The following CRMP1 variants were observed in gnomAD, a reference collection of about 807,000 sequenced individuals.
CRMP1 encodes dihydropyrimidinase-related protein 1.
Under a neutral mutation model 68.3 loss-of-function variants are expected in CRMP1, and 19 were observed. The observed-to-expected ratio is 0.28, with a 90% CI of 0.19 to 0.41. The LOEUF (loss-of-function observed/expected upper bound fraction) is 0.41. Among genes scored for constraint, CRMP1 ranks in the 10% least tolerant of loss-of-function variants. CRMP1 has a pLI of 1.00. For missense variants in CRMP1, 791 were observed against 967.4 expected (o/e 0.82, Z 2.42); for synonymous variants, 439 against 399.6 (o/e 1.10, Z -1.18).
rs1167874608 is a variant in CRMP1 at position 5,838,353 on chromosome 4, G to C, written c.1310+1169C>G. On this transcript the variant is annotated intron_variant, in intron 9 of 13. Coordinates refer to ENST00000324989, the MANE Select transcript of CRMP1 (RefSeq NM_001014809.3). The surrounding 1 kb of genome is among the most constrained non-coding windows in gnomAD (Gnocchi z 4.9). ...CCTTGTTGGATGTTGCAGGGACTTG[G>C]GTTTCACTGGCAGAGGACTTACTGG... 5.9e-5 allele frequency among the ~76,000 whole-genome samples: 9 copies of C among 152,086 alleles called. No homozygotes were observed. The highest frequency in any genetic ancestry group is 1.2e-4 in the Non-Finnish European group (8 of 68,028).
chr4:5,867,907 A>AACACAC (rs141328248), intron 1 of CRMP1, among the ~76,000 whole-genome samples: 12 of 150,002 alleles, frequency 8.0e-5, no homozygotes, highest in African/African-American at 2.7e-4. Flanking sequence ...TGGATAGATA[A>AACACAC]ACACACACAC....
intron 5 of CRMP1, 71 bp downstream of exon 5, chr4:5,851,337 C>T: frequency 1.5e-6 from 2 of 1,377,874 alleles, no homozygotes; most frequent in Non-Finnish European, 2.1e-6. Context: ...TTGCCCTGTG[C>T]TGCCTGGACT....
At chr4:5,871,524 G>A (rs1714448798) in intron 1 of CRMP1, among the ~76,000 whole-genome samples, 1 of 152,100 alleles carries the variant, frequency 6.6e-6, no homozygotes, top group African/African-American at 2.4e-5. Context: ...GCCGGGCGTG[G>A]TGGCGCACGC....
intron 2 of CRMP1, among the ~76,000 whole-genome samples, chr4:5,863,617 C>G (rs1340483530): frequency 2.0e-5 from 3 of 152,088 alleles, no homozygotes; most frequent in Non-Finnish European, 4.4e-5. Context: ...ACGCCCCTCC[C>G]CCAACACCAT....
intron 1 of CRMP1, among the ~76,000 whole-genome samples, chr4:5,873,116 G>C (rs1445855753): frequency 6.6e-6 from 1 of 152,188 alleles, no homozygotes; most frequent in Non-Finnish European, 1.5e-5. Context: ...CTTAAATGCA[G>C]CTTGTGCCCT....
chr4:5,840,974 G>A (rs1711677718), intron 8 of CRMP1, among the ~76,000 whole-genome samples: 2 of 126,290 alleles, frequency 1.6e-5, no homozygotes, highest in South Asian at 4.4e-4. Flanking sequence ...GTACATGTAA[G>A]ATACTGAATT....
At chr4:5,887,282 C>T in intron 1 of CRMP1, 3 of 911,930 alleles carry the variant, frequency 3.3e-6, no homozygotes, top group Non-Finnish European at 3.9e-6. Flanking sequence ...CTGAATTTTG[C>T]ATAAATGAGC....
At chr4:5,846,338 A>G (rs1252975644) in intron 6 of CRMP1, among the ~76,000 whole-genome samples, 1 of 152,110 alleles carries the variant, frequency 6.6e-6, no homozygotes, top group Non-Finnish European at 1.5e-5. Context: ...CATTTCAAAG[A>G]GATGAAGGCT....
At position 5,842,428 on chromosome 4, in the gene CRMP1, C is replaced by CAAAAAAAAAAAAAAAAA. The variant is rs71171489; in HGVS notation, c.1032+648_1032+664dup. Among the ~76,000 whole-genome samples the CAAAAAAAAAAAAAAAAA allele has an allele frequency of 1.0e-5, 1 of 99,094 alleles. No individual in the cohort carries two copies. The highest frequency in any genetic ancestry group is 3.6e-5 in the African/African-American group (1 of 27,942). 65.0% of individuals were successfully genotyped at this position (99,094 alleles called of 152,430 possible). On this transcript the variant is annotated intron_variant, in intron 7 of 13. Coordinates refer to ENST00000324989, the MANE Select transcript of CRMP1 (RefSeq NM_001014809.3). This position sits in a 1 kb window ranked among gnomAD's most constrained non-coding sequence, Gnocchi z 4.5. ...TGGGCAACAGAGAGAGACTCCATCT[C>CAAAAAAAAAAAAAAAAA]AAAAAAAAAAAAAAAAAAAGAAAAG... is the stretch of plus-strand genomic sequence containing the variant.
Position 5,889,556 on chromosome 4 carries a change from G to A in CRMP1, c.381+3033C>T. 6.5e-7 allele frequency: 1 copy of A among 1,534,654 alleles called. No homozygotes were observed. The highest frequency in any genetic ancestry group is 8.7e-7 in the Non-Finnish European group (1 of 1,145,606). On this transcript the variant is annotated intron_variant, in intron 1 of 13. Coordinates refer to ENST00000324989, the MANE Select transcript of CRMP1 (RefSeq NM_001014809.3). The surrounding 1 kb of genome is among the most constrained non-coding windows in gnomAD (Gnocchi z 4.5). ...AGATGAAAGAAGATGGAGGAAAAGGGGGAGCCCCAGCAAGCCCCAACCTCA... is the reference window on the plus strand; with the variant it reads ...AGATGAAAGAAGATGGAGGAAAAGGAGGAGCCCCAGCAAGCCCCAACCTCA...
intron 6 of CRMP1, 106 bp downstream of exon 6, chr4:5,849,286 A>C (rs1712447857): frequency 1.1e-6 from 1 of 892,152 alleles, no homozygotes; most frequent in Non-Finnish European, 1.8e-6. Flanking sequence ...TCCTGGCTTG[A>C]CCTTTCATTG....
At chr4:5,839,702 T>A (rs781004489) in intron 8 of CRMP1, 24 bp from the exon 9 acceptor site, 5 of 1,252,922 alleles carry the variant, frequency 4.0e-6, no homozygotes, top group South Asian at 1.4e-5. Flanking sequence ...AACATAAGCC[T>A]GGTTAAAAGC....
intron 4 of CRMP1, among the ~76,000 whole-genome samples, chr4:5,852,744 G>T (rs1359147004): frequency 6.6e-6 from 1 of 152,188 alleles, no homozygotes; most frequent in Non-Finnish European, 1.5e-5. Flanking sequence ...GGGTGTGGGA[G>T]TATCAGCAAG....
Position 5,842,428 on chromosome 4 carries a change from C to CAAAAA in CRMP1, c.1032+660_1032+664dup, listed in dbSNP as rs71171489. Among the ~76,000 whole-genome samples the CAAAAA allele has an allele frequency of 9.1e-5, 9 of 98,850 alleles. No homozygotes were observed. The highest frequency in any genetic ancestry group is 4.0e-4 in the South Asian group (1 of 2,526). 64.8% of individuals were successfully genotyped at this position (98,850 alleles called of 152,430 possible). A position where few individuals can be genotyped will look rare whatever the true frequency, so the allele number is the denominator to read the frequency against. ...TGGGCAACAGAGAGAGACTCCATCTCAAAAAAAAAAAAAAAAAAAGAAAAG... is the reference window on the plus strand; with the variant it reads ...TGGGCAACAGAGAGAGACTCCATCTCAAAAAAAAAAAAAAAAAAAAAAAAGAAAAG... On this transcript the variant is annotated intron_variant, in intron 7 of 13. Coordinates refer to ENST00000324989, the MANE Select transcript of CRMP1 (RefSeq NM_001014809.3). The surrounding 1 kb of genome is among the most constrained non-coding windows in gnomAD (Gnocchi z 4.5).
In CRMP1 at chr4:5,854,752, T is replaced by A. The variant is rs1712926167; in HGVS notation, c.820+1391A>T. 6.6e-6 allele frequency among the ~76,000 whole-genome samples: 1 copy of A among 152,168 alleles called. No homozygotes were observed. Among genetic ancestry groups the A allele is most frequent in the African/African-American group, 2.4e-5 (1 of 41,454 alleles). On this transcript the variant is annotated intron_variant, in intron 4 of 13. Coordinates refer to ENST00000324989, the MANE Select transcript of CRMP1 (RefSeq NM_001014809.3). This position sits in a 1 kb window ranked among gnomAD's most constrained non-coding sequence, Gnocchi z 4.0. ...TCATAGAAGCAATAATGCCCAATGG[T>A]GCAAAGGTGCAGGGACTAGAGATTC...
intron 12 of CRMP1, 58 bp downstream of exon 12, chr4:5,828,431 A>G: frequency 1.3e-6 from 2 of 1,583,210 alleles, no homozygotes; most frequent in East Asian, 2.3e-5. Context: ...CGATTCCCCA[A>G]GAGACGCTGT....
Position 5,883,294 on chromosome 4 carries a change from T to C in CRMP1, c.381+9295A>G, listed in dbSNP as rs1715339234. Among the ~76,000 whole-genome samples the C allele has an allele frequency of 6.6e-6, 1 of 150,744 alleles. No individual in the cohort carries two copies. The highest frequency in any genetic ancestry group is 1.5e-5 in the Non-Finnish European group (1 of 67,780). ...TCCCTCCCTTCCTGTCTTTCTATCT[T>C]TCTCTTTCTTTCTTCTTTTTTGTTT... On this transcript the variant is annotated intron_variant, in intron 1 of 13. Transcript: ENST00000324989. This position sits in a 1 kb window ranked among gnomAD's most constrained non-coding sequence, Gnocchi z 4.5.
chr4:5,842,238 AAAAACAAAC>A lies in CRMP1; in HGVS notation c.1033-819_1033-811del, dbSNP rs1267994977. Among the ~76,000 whole-genome samples, 1 of 151,964 alleles carries A rather than the reference AAAAACAAAC, an allele frequency of 6.6e-6. No homozygotes were observed. The highest frequency in any genetic ancestry group is 2.4e-5 in the African/African-American group (1 of 41,380). Reference sequence around the variant, plus strand: ...GGGCGACAGAGCGAGACTCTGTCTCAAAAACAAACAAAACAAACAAACAAAAAACACAAA... The same window carrying A: ...GGGCGACAGAGCGAGACTCTGTCTCAAAAACAAACAAACAAAAAACACAAA... On this transcript the variant is annotated intron_variant, in intron 7 of 13. Transcript: ENST00000324989. This position sits in a 1 kb window ranked among gnomAD's most constrained non-coding sequence, Gnocchi z 4.5.
Position 5,821,889 on chromosome 4 carries a change from T to C in CRMP1, c.1970-38A>G, listed in dbSNP as rs768959564. On this transcript the variant is annotated intron_variant, in intron 13 of 13. Transcript: ENST00000324989. The surrounding 1 kb of genome is among the most constrained non-coding windows in gnomAD (Gnocchi z 4.4). ...GCCAATCGCTGCTGGATGGGATCTG[T>C]TAGCATCAGTTCCACGCTGCTCCTG... 6.4e-7 allele frequency: 1 copy of C among 1,554,276 alleles called. No homozygotes were observed. The highest frequency in any genetic ancestry group is 8.7e-7 in the Non-Finnish European group (1 of 1,146,402).
Sources: gnomAD v4.1 joint callset for allele counts (sites outside exome capture counted in the v4.1 genomes callset) on GRCh38, gnomAD v4.1.1 for gene constraint, Gnocchi (gnomAD v3.1) non-coding constraint, MANE v1.5 for transcripts, NCBI Gene and HGNC (gene_info 2026-07-23, HGNC 2026-07-21) for gene names.